Variants in HCN4 observed in about 807,000 individuals in gnomAD.
HCN4 encodes potassium/sodium hyperpolarization-activated cyclic nucleotide-gated channel 4.
In HCN4, 29 loss-of-function variants were observed where a neutral mutation model predicts 76.9. The observed-to-expected ratio is 0.38, with a 90% confidence interval of 0.28 to 0.51. The LOEUF (loss-of-function observed/expected upper bound fraction) is 0.51. Ranked by LOEUF, HCN4 falls within the 20% of genes least tolerant of loss-of-function variation. HCN4 has a pLI of 0.90. For synonymous variants in HCN4, 772 were observed against 762.5 expected (o/e 1.01, Z -0.21); for missense variants, 1,416 against 1,715.2 (o/e 0.83, Z 3.08).
At chr15:73,347,412 C>A (rs983923789) in intron 1 of HCN4, among the ~76,000 whole-genome samples, 10 of 152,154 alleles carry the variant, frequency 6.6e-5, no homozygotes, top group Admixed American at 2.0e-4. Context: ...CCTACCACAG[C>A]AGGTGTGGCC....
At position 73,367,678 on chromosome 15, in the gene HCN4, T is replaced by A; in HGVS notation, c.593A>T (p.Asp198Val). The A allele has an allele frequency of 6.2e-7, 1 of 1,602,548 alleles. No individual in the cohort carries two copies. Among genetic ancestry groups the A allele is most frequent in the Non-Finnish European group, 8.5e-7 (1 of 1,178,976 alleles). Residue 198 changes from aspartate (D) to valine (V), a missense_variant, in exon 1 of 8, where the codon GAC becomes GTC. Asp to Val is a radical substitution (Grantham distance 152). Transcript: ENST00000261917. This position sits in a 1 kb window ranked among gnomAD's most constrained non-coding sequence, Gnocchi z 7.5. ...IKVEGGAAAG[D>V]QILPEAEVRL... ...CACCTCGGCCTCCGGGAGGATCTGG[T>A]CGCCGGCAGCCGCGCCTCCCTCCAC...
At chr15:73,359,514 G>C (rs1347664442) in intron 1 of HCN4, among the ~76,000 whole-genome samples, 1 of 152,150 alleles carries the variant, frequency 6.6e-6, no homozygotes, top group Non-Finnish European at 1.5e-5. Flanking sequence ...CTTCCTAAAG[G>C]GGGGCGGGGC....
Position 73,334,916 on chromosome 15 carries a change from G to A in HCN4, c.1210-2624C>T, listed in dbSNP as rs1418886646. Among the ~76,000 whole-genome samples, 4 of 152,116 alleles carry A rather than the reference G, an allele frequency of 2.6e-5. No individual in the cohort carries two copies. In the East Asian group the frequency reaches 5.8e-4, roughly 22 times the overall value. ...CGAGGTGATGGCATTTGGAAATGAG[G>A]CCTTCGGAAGGTCATCAGGTCATGA... On this transcript the variant is annotated intron_variant, in intron 2 of 7. Coordinates refer to ENST00000261917, the MANE Select transcript of HCN4 (RefSeq NM_005477.3).
At position 73,332,296 on chromosome 15, in the gene HCN4, C is replaced by A; in HGVS notation, c.1210-4G>T. The stretch of plus-strand genomic sequence containing the variant: ...GGTCGTAGGTCATGTGGAAGATCTG[C>A]CAGCAGAGGAGGAGAAATTGGCTGG... On this transcript the variant is annotated splice_polypyrimidine_tract_variant and splice_region_variant and intron_variant, in intron 2 of 7. Coordinates refer to ENST00000261917, the MANE Select transcript of HCN4 (RefSeq NM_005477.3). 6.2e-7 allele frequency: 1 copy of A among 1,614,116 alleles called. No individual in the cohort carries two copies. Among genetic ancestry groups the A allele is most frequent in the Non-Finnish European group, 8.5e-7 (1 of 1,179,972 alleles).
In HCN4 at chr15:73,320,335, C is replaced by T. The variant is rs1014039248; in HGVS notation, c.*2146G>A. ...CCAGGAACCTTCACCCACTTCTCTC[C>T]TGGAGTACTGCCTCCCACTCCCTGC... On this transcript the variant is annotated 3_prime_UTR_variant, in exon 8 of 8. Coordinates refer to ENST00000261917, the MANE Select transcript of HCN4 (RefSeq NM_005477.3). 1 of 152,604 alleles carries T rather than the reference C, an allele frequency of 6.6e-6. No homozygotes were observed. Among genetic ancestry groups the T allele is most frequent in the Non-Finnish European group, 1.5e-5 (1 of 68,346 alleles). 9.5% of individuals were successfully genotyped at this position (152,604 alleles called of 1,614,324 possible). A position where few individuals can be genotyped will look rare whatever the true frequency, so the allele number is the denominator to read the frequency against.
rs367599490 is a variant in HCN4 at position 73,322,610 on chromosome 15, C to T, written c.3483G>A (p.Leu1161=). 1.2e-6 allele frequency: 2 copies of T among 1,611,588 alleles called. No homozygotes were observed. The highest frequency in any genetic ancestry group is 2.7e-5 in the African/African-American group (2 of 74,904). ...CCCCAAACAAAGACAGAGGGGGTGG[C>T]AAAGAACCTGAGGATGTCTTCCGAG... The part of the protein sequence containing the change: ...TLPRKTSSGS[L]PPPLSLFGAR... Residue 1161 remains leucine (L), a synonymous_variant, in exon 8 of 8, where the codon TTG becomes TTA. Transcript: ENST00000261917.
rs1268667381 is a variant in HCN4 at position 73,328,353 on chromosome 15, T to A, written c.1590+1220A>T. The stretch of plus-strand genomic sequence containing the variant: ...AGGGTGCAAGGCCCAGGGCAGGAGC[T>A]GAGCATGAGGGCAGATCCCTGGTTA... On this transcript the variant is annotated intron_variant, in intron 4 of 7. Coordinates refer to ENST00000261917, the MANE Select transcript of HCN4 (RefSeq NM_005477.3). The surrounding 1 kb of genome is among the most constrained non-coding windows in gnomAD (Gnocchi z 4.0). 6.6e-6 allele frequency among the ~76,000 whole-genome samples: 1 copy of A among 151,918 alleles called. No homozygotes were observed. The highest frequency in any genetic ancestry group is 2.1e-4 in the South Asian group (1 of 4,816).
At chr15:73,347,861 C>G (rs2043036209) in intron 1 of HCN4, among the ~76,000 whole-genome samples, 2 of 152,176 alleles carry the variant, frequency 1.3e-5, no homozygotes, top group Non-Finnish European at 2.9e-5. Context: ...TTTAAGTTAA[C>G]AGGAGTCCTG....
At chr15:73,327,921 C>T (rs891473700) in intron 4 of HCN4, among the ~76,000 whole-genome samples, 2 of 152,220 alleles carry the variant, frequency 1.3e-5, no homozygotes. Context: ...CTGTCAGTCA[C>T]CCCACCAAAG....
intron 1 of HCN4, among the ~76,000 whole-genome samples, chr15:73,363,179 GC>G (rs2043113497): frequency 6.6e-6 from 1 of 152,172 alleles, no homozygotes; most frequent in South Asian, 2.1e-4. Flanking sequence ...CTGGGTAATG[GC>G]CCCAGGAAAG....
At chr15:73,331,649 C>T (rs550933385) in intron 3 of HCN4, among the ~76,000 whole-genome samples, 2 of 152,170 alleles carry the variant, frequency 1.3e-5, no homozygotes, top group African/African-American at 2.4e-5. Context: ...CTCCCTATGC[C>T]GCTCAGGCTG....
At chr15:73,353,318 C>T (rs1016131289) in intron 1 of HCN4, among the ~76,000 whole-genome samples, 3 of 152,164 alleles carry the variant, frequency 2.0e-5, no homozygotes, top group African/African-American at 7.2e-5. Context: ...GGGAAAGACA[C>T]GATCCTGGTC....
intron 1 of HCN4, among the ~76,000 whole-genome samples, chr15:73,355,979 C>T (rs2043077347): frequency 6.6e-6 from 1 of 152,162 alleles, no homozygotes; most frequent in Non-Finnish European, 1.5e-5. Context: ...ACACCACTCC[C>T]CCAGGAACCT....
rs556605361 is a variant in HCN4, at chr15:73,321,054, G to C, written c.*1427C>G. On this transcript the variant is annotated 3_prime_UTR_variant, in exon 8 of 8. Transcript: ENST00000261917. ...GAGCACCTACCATGGTATGTGCCAGGCGCTGGGCTGGGCATTTCACATATA... is the reference window on the plus strand; with the variant it reads ...GAGCACCTACCATGGTATGTGCCAGCCGCTGGGCTGGGCATTTCACATATA... 2 of 152,364 alleles carry C rather than the reference G, an allele frequency of 1.3e-5. No individual in the cohort carries two copies. The highest frequency in any genetic ancestry group is 4.8e-5 in the African/African-American group (2 of 41,590). The allele number at this position is 152,364 out of a possible 1,614,324, so 9.4% of individuals were successfully genotyped here.
In HCN4 at chr15:73,325,063, G is replaced by A. The variant is rs545156905; in HGVS notation, c.1870C>T (p.Arg624Trp). The stretch of plus-strand genomic sequence containing the variant: ...ATCTTCTTGCCAATGGTGCCTTCCC[G>A]GATGATGTAGTCCCCAGGCTGGAAG... ...EVFQPGDYII[R>W]EGTIGKKMYF... The change falls in exon 6 of 8, where the codon CGG becomes TGG. Residue 624 changes from arginine to tryptophan, a missense_variant. Arg to Trp is a moderately radical substitution (Grantham distance 101, BLOSUM62 -3). This residue lies in a region of HCN4 where 241 missense variants were observed against 379.4 expected (regional missense o/e 0.64). Coordinates refer to ENST00000261917, the MANE Select transcript of HCN4 (RefSeq NM_005477.3). The surrounding 1 kb of genome is among the most constrained non-coding windows in gnomAD (Gnocchi z 7.4). The A allele has an allele frequency of 1.2e-6, 2 of 1,614,220 alleles. No homozygotes were observed. Among genetic ancestry groups the A allele is most frequent in the South Asian group, 1.1e-5 (1 of 91,086 alleles).
intron 4 of HCN4, among the ~76,000 whole-genome samples, chr15:73,326,793 A>ATT (rs990120364): frequency 5.5e-5 from 8 of 144,978 alleles, no homozygotes; most frequent in Admixed American, 1.5e-4. Context: ...TTATTTATTT[A>ATT]TTTTTTTTGT....
At position 73,322,783 on chromosome 15, in the gene HCN4, C is replaced by A; in HGVS notation, c.3310G>T (p.Ala1104Ser). The change falls in exon 8 of 8, where the codon GCC becomes TCC. Residue 1104 changes from alanine (A) to serine (S), a missense_variant. This residue lies in a region of HCN4 where 633 missense variants were observed against 579.8 expected (regional missense o/e 1.09). Transcript: ENST00000261917. The stretch of plus-strand genomic sequence containing the variant: ...GACTCCCCTGAGGAGTGCGGGGAGG[C>A]TCTGCGGAGAGTCTGCGCCCCGTCC... ...PQDGAQTLRR[A>S]SPHSSGESMA... 6.4e-7 allele frequency: 1 copy of A among 1,553,314 alleles called. No homozygotes were observed. The highest frequency in any genetic ancestry group is 8.7e-7 in the Non-Finnish European group (1 of 1,148,352).
At chr15:73,365,038 G>A (rs1007445274) in intron 1 of HCN4, among the ~76,000 whole-genome samples, 2 of 152,156 alleles carry the variant, frequency 1.3e-5, no homozygotes, top group South Asian at 2.1e-4. Flanking sequence ...AAGCTCTTGC[G>A]AAGCCTGAGG....
At chr15:73,342,849 C>T (rs1008344065) in intron 2 of HCN4, among the ~76,000 whole-genome samples, 4 of 152,192 alleles carry the variant, frequency 2.6e-5, no homozygotes, top group East Asian at 3.8e-4. Context: ...TCCCACTTGA[C>T]AAAAATTAGC....
Sources: allele counts gnomAD v4.1 joint callset (sites outside exome capture counted in the v4.1 genomes callset), GRCh38; gene constraint gnomAD v4.1.1; regional missense constraint gnomAD v4.1.1; non-coding constraint Gnocchi (gnomAD v3.1); transcripts MANE v1.5; gene names NCBI Gene and HGNC (gene_info 2026-07-23, HGNC 2026-07-21).